Variants in CHST8 observed in about 807,000 individuals in gnomAD.
CHST8 encodes the protein GALNAC-4-ST1.
In CHST8, 10 loss-of-function variants were observed where a neutral mutation model predicts 15.0. The ratio of observed to expected loss-of-function variants is 0.67; its 90% confidence interval spans 0.41 to 1.13. The LOEUF is 1.13. Ranked by LOEUF, CHST8 falls within the 50% of genes most tolerant of loss-of-function variation. The pLI is 0.00. For synonymous variants in CHST8, 259 were observed against 256.6 expected (o/e 1.01, Z -0.09); for missense variants, 634 against 608.2 (o/e 1.04, Z -0.45).
At position 33,772,587 on chromosome 19, in the gene CHST8, G is replaced by T. The variant is rs779245509; in HGVS notation, c.799G>T (p.Ala267Ser). The change falls in exon 5 of 5, where the codon GCC (alanine) becomes TCC (serine). Residue 267 changes from alanine to serine, a missense_variant. Physicochemically the swap from Ala to Ser is moderately conservative, Grantham distance 99 (BLOSUM62 1). Coordinates refer to ENST00000650847, the MANE Select transcript of CHST8 (RefSeq NM_001127895.2). ...VREPFERLVS[A>S]FRDKFEHPNS... ...CGAGCCCTTCGAGAGGCTGGTGTCC[G>T]CCTTCCGCGACAAGTTTGAGCACCC... 2 of 1,613,712 alleles carry T rather than the reference G, an allele frequency of 1.2e-6. No homozygotes were observed. The highest frequency in any genetic ancestry group is 3.3e-5 in the Admixed American group (2 of 60,012).
chr19:33,657,552 A>G (rs1320172767), intron 1 of CHST8, among the ~76,000 whole-genome samples: 1 of 152,010 alleles, frequency 6.6e-6, no homozygotes, highest in Non-Finnish European at 1.5e-5. Flanking sequence ...GATTACAGGC[A>G]TAAGCCACCA....
intron 3 of CHST8, among the ~76,000 whole-genome samples, chr19:33,700,593 G>A (rs1356341214): frequency 6.6e-6 from 1 of 152,214 alleles, no homozygotes; most frequent in Non-Finnish European, 1.5e-5. Flanking sequence ...GGCTGTGGGT[G>A]GGGTCCTTGT....
intron 1 of CHST8, among the ~76,000 whole-genome samples, chr19:33,635,657 T>C (rs1972185230): frequency 6.6e-6 from 1 of 152,120 alleles, no homozygotes; most frequent in Admixed American, 6.5e-5. Context: ...GCTCCGTCCC[T>C]GAGGGCCAGC....
At chr19:33,634,502 G>A (rs1972165374) in intron 1 of CHST8, among the ~76,000 whole-genome samples, 1 of 152,044 alleles carries the variant, frequency 6.6e-6, no homozygotes, top group African/African-American at 2.4e-5. Flanking sequence ...CCAAGGGATG[G>A]AGTAGACAAG....
chr19:33,698,031 A>G (rs1973254532), intron 3 of CHST8, among the ~76,000 whole-genome samples: 1 of 152,060 alleles, frequency 6.6e-6, no homozygotes, highest in Non-Finnish European at 1.5e-5. Context: ...TAATTCCAAC[A>G]CTTTGGGAGG....
intron 2 of CHST8, among the ~76,000 whole-genome samples, chr19:33,679,370 G>C (rs76606748): frequency 0.014 from 2,191 of 152,284 alleles, 42 homozygotes; most frequent in African/African-American, 0.048. Context: ...CAGCTCAGGT[G>C]GGGAGAGATG....
At position 33,772,115 on chromosome 19, in the gene CHST8, G is replaced by T; in HGVS notation, c.327G>T (p.Gln109His). The change falls in exon 5 of 5, where the codon CAG becomes CAT. Residue 109 changes from glutamine to histidine, a missense_variant. By Grantham distance (24) the Gln-to-His change is conservative. Transcript: ENST00000650847. ...LQRGTRLRLRQRRRRLLIKKM... is the reference protein window; with the variant it reads ...LQRGTRLRLRHRRRRLLIKKM... Reference sequence around the variant, plus strand: ...GGGGAACCCGTCTGCGGCTCCGCCAGCGCCGTCGCCGTCTGCTCATCAAGA... The same window carrying T: ...GGGGAACCCGTCTGCGGCTCCGCCATCGCCGTCGCCGTCTGCTCATCAAGA... 6.2e-7 allele frequency: 1 copy of T among 1,611,190 alleles called. No individual in the cohort carries two copies. Among genetic ancestry groups the T allele is most frequent in the East Asian group, 2.2e-5 (1 of 44,832 alleles).
At chr19:33,761,369 A>T (rs983174220) in intron 3 of CHST8, among the ~76,000 whole-genome samples, 1 of 151,674 alleles carries the variant, frequency 6.6e-6, no homozygotes, top group Non-Finnish European at 1.5e-5. Context: ...TCACTCTGTC[A>T]TCCAGGCTGG....
intron 2 of CHST8, among the ~76,000 whole-genome samples, chr19:33,680,575 A>G (rs1257989650): frequency 6.6e-6 from 1 of 152,260 alleles, no homozygotes; most frequent in Non-Finnish European, 1.5e-5. Flanking sequence ...CCACAGGGTA[A>G]TTCATAAAAG....
At chr19:33,683,825 C>G (rs865825101) in intron 2 of CHST8, among the ~76,000 whole-genome samples, 1 of 152,158 alleles carries the variant, frequency 6.6e-6, no homozygotes, top group African/African-American at 2.4e-5. Flanking sequence ...GGGCTGTCAC[C>G]GCGATGGTGC....
chr19:33,761,470 C>CA (rs1223961417), intron 3 of CHST8, among the ~76,000 whole-genome samples: 1 of 152,016 alleles, frequency 6.6e-6, no homozygotes, highest in African/African-American at 2.4e-5. Flanking sequence ...GCTGGGATTA[C>CA]AGGTCTCCAC....
At chr19:33,685,728 C>T (rs952718344) in intron 2 of CHST8, among the ~76,000 whole-genome samples, 3 of 152,216 alleles carry the variant, frequency 2.0e-5, no homozygotes, top group African/African-American at 7.2e-5. Context: ...GTCCACTCCC[C>T]AGGCAGCAGC....
chr19:33,657,580 A>G (rs1293639600), intron 1 of CHST8, among the ~76,000 whole-genome samples: 2 of 149,968 alleles, frequency 1.3e-5, no homozygotes, highest in Non-Finnish European at 3.0e-5. Flanking sequence ...CCACACACTT[A>G]TTTTTAAGGG....
intron 3 of CHST8, among the ~76,000 whole-genome samples, chr19:33,736,749 C>A (rs1465874326): frequency 6.6e-6 from 1 of 152,198 alleles, no homozygotes; most frequent in Non-Finnish European, 1.5e-5. Context: ...CTACCCCATA[C>A]TGCAGACGTT....
At chr19:33,749,108 AG>A (rs1332258530) in intron 3 of CHST8, among the ~76,000 whole-genome samples, 1 of 152,092 alleles carries the variant, frequency 6.6e-6, no homozygotes, top group East Asian at 1.9e-4. Context: ...TGCATGCCCC[AG>A]GGATGGCAGC....
chr19:33,645,509 C>T (rs1258505666), intron 1 of CHST8, among the ~76,000 whole-genome samples: 2 of 152,096 alleles, frequency 1.3e-5, no homozygotes, highest in Non-Finnish European at 2.9e-5. Context: ...AACAAGATTT[C>T]CTGATGGGTT....
intron 3 of CHST8, among the ~76,000 whole-genome samples, chr19:33,726,203 C>A (rs1186530468): frequency 1.3e-5 from 2 of 152,062 alleles, no homozygotes; most frequent in Non-Finnish European, 2.9e-5. Flanking sequence ...GGGGACAGGG[C>A]CAGCCAGTCA....
At position 33,676,390 on chromosome 19, in the gene CHST8, T is replaced by C. The variant is rs139454313; in HGVS notation, c.-87+8547T>C. On this transcript the variant is annotated intron_variant, in intron 2 of 4. Transcript: ENST00000650847. ...TTTGAGGCCAGCCTGGCCAACACAG[T>C]GAAACCCCATCTCTACTAAAAATAC... Among the ~76,000 whole-genome samples, 1,086 of 152,072 alleles carry C rather than the reference T, an allele frequency of 7.1e-3. 14 individuals are homozygous for C. The highest frequency in any genetic ancestry group is 0.025 in the African/African-American group (1,018 of 41,474).
intron 2 of CHST8, among the ~76,000 whole-genome samples, chr19:33,681,721 G>C (rs138062811): frequency 6.6e-6 from 1 of 152,204 alleles, no homozygotes; most frequent in Non-Finnish European, 1.5e-5. Flanking sequence ...CTGATTCTGA[G>C]ATAGGGAAAC....
Sources: gnomAD v4.1 joint callset for allele counts (sites outside exome capture counted in the v4.1 genomes callset) on GRCh38, gnomAD v4.1.1 for gene constraint, MANE v1.5 for transcripts, NCBI Gene and HGNC (gene_info 2026-07-23, HGNC 2026-07-21) for gene names.